PER2: variants seen among roughly 807,000 people sequenced by gnomAD.
The protein encoded by PER2 is period circadian protein homolog 2.
In PER2, 66 loss-of-function variants were observed where a neutral mutation model predicts 121.0. The ratio of observed to expected loss-of-function variants is 0.55; its 90% confidence interval spans 0.45 to 0.67. The LOEUF (loss-of-function observed/expected upper bound fraction) is 0.67. PER2 is among the 30% of genes least tolerant of loss of function. PER2 has a pLI of 0.00. For missense variants in PER2, 1,521 were observed against 1,635.0 expected (o/e 0.93, Z 1.20); for synonymous variants, 684 against 659.9 (o/e 1.04, Z -0.56).
intron 6 of PER2, 120 bp downstream of exon 6, chr2:238,271,192 G>GC (rs1696272044): frequency 1.2e-6 from 1 of 832,948 alleles, no homozygotes. Context: ...GCAGCTGGCG[G>GC]CCCCCACAGG....
At chr2:238,263,178 C>T in intron 9 of PER2, 120 bp from the exon 10 acceptor site, 1 of 703,452 alleles carries the variant, frequency 1.4e-6, no homozygotes, top group Non-Finnish European at 2.6e-6. Context: ...CCCTCCCCCA[C>T]CCCCGGAGAT....
chr2:238,273,685 G>A (rs1308106110), intron 4 of PER2, among the ~76,000 whole-genome samples: 1 of 152,086 alleles, frequency 6.6e-6, no homozygotes, highest in Non-Finnish European at 1.5e-5. Context: ...GTTTTGTTTA[G>A]AGATGGAGGC....
chr2:238,261,304 G>A (rs1695923451), intron 12 of PER2: 1 of 395,702 alleles, frequency 2.5e-6, no homozygotes. Context: ...GGAACTGACA[G>A]GCAGGCGCCT....
At position 238,248,883 on chromosome 2, in the gene PER2, C is replaced by T. The variant is rs1264758266; in HGVS notation, c.3618+179G>A. The T allele has an allele frequency of 7.0e-6, 5 of 709,388 alleles. No individual in the cohort carries two copies. The East Asian group carries it at 1.4e-4, about 20-fold the overall frequency. The allele number at this position is 709,388 out of a possible 1,614,324, so 43.9% of individuals were successfully genotyped here. A position where few individuals can be genotyped will look rare whatever the true frequency, so the allele number is the denominator to read the frequency against. ...TGTTTGCCAGGATGGTCTCGATCTC[C>T]TGACCTCGTGATCCACCCGCTTCGG... On this transcript the variant is annotated intron_variant, in intron 22 of 22. Transcript: ENST00000254657.
At chr2:238,294,362 C>A (rs1191498552), upstream of PER2, among the ~76,000 whole-genome samples, 1 of 152,166 alleles carries the variant, frequency 6.6e-6, no homozygotes, top group Non-Finnish European at 1.5e-5. Flanking sequence ...GGAACGGGGG[C>A]CTTGCATGCT....
At position 238,244,439 on chromosome 2, in the gene PER2, G is replaced by A. The variant is rs114881551; in HGVS notation, c.*1936C>T. ...TATTAAATGATAAAATAATGCTGAT[G>A]GTAAACATTCATAACAGCAGAGTAA... On this transcript the variant is annotated 3_prime_UTR_variant, in exon 23 of 23. Coordinates refer to ENST00000254657, the MANE Select transcript of PER2 (RefSeq NM_022817.3). 571 of 152,528 alleles carry A rather than the reference G, an allele frequency of 3.7e-3. 9 individuals are homozygous for A. The highest frequency in any genetic ancestry group is 0.013 in the African/African-American group (551 of 41,552). The allele number at this position is 152,528 out of a possible 1,614,324, so 9.4% of individuals were successfully genotyped here. A position where few individuals can be genotyped will look rare whatever the true frequency, so the allele number is the denominator to read the frequency against.
Position 238,245,649 on chromosome 2 carries a change from A to C in PER2, c.*726T>G. 2.5e-6 allele frequency: 1 copy of C among 398,660 alleles called. No individual in the cohort carries two copies. Among genetic ancestry groups the C allele is most frequent in the Non-Finnish European group, 4.4e-6 (1 of 226,078 alleles). 24.7% of individuals were successfully genotyped at this position (398,660 alleles called of 1,614,324 possible). A position where few individuals can be genotyped will look rare whatever the true frequency, so the allele number is the denominator to read the frequency against. On this transcript the variant is annotated 3_prime_UTR_variant, in exon 23 of 23. Transcript: ENST00000254657. The stretch of plus-strand genomic sequence containing the variant: ...GAAAAGGAGACAAGAATAATGCAGA[A>C]ATATACAGAGGGTCTGTCTGCGTGT...
rs1695736385 is a variant in PER2 at position 238,255,654 on chromosome 2, TA to T, written c.2320+2del. 6.2e-7 allele frequency: 1 copy of T among 1,614,218 alleles called. No homozygotes were observed. Among genetic ancestry groups the T allele is most frequent in the Non-Finnish European group, 8.5e-7 (1 of 1,179,982 alleles). ...ACGCACTTTTAATTCGGGTATCACTTACTTCGTTCACTTGGCTGCCCCTTGG... is the reference window on the plus strand; with the variant it reads ...ACGCACTTTTAATTCGGGTATCACTTCTTCGTTCACTTGGCTGCCCCTTGG... On this transcript the variant is annotated splice_donor_variant, in intron 18 of 22. Coordinates refer to ENST00000254657, the MANE Select transcript of PER2 (RefSeq NM_022817.3). LOFTEE classifies it high-confidence loss of function.
Position 238,253,087 on chromosome 2 carries a change from G to A in PER2, c.2936C>T (p.Pro979Leu), listed in dbSNP as rs143554580. Residue 979 changes from proline to leucine, a missense_variant, in exon 19 of 23, where the codon CCG becomes CTG. Physicochemically the swap from Pro to Leu is moderately conservative, Grantham distance 98. Transcript: ENST00000254657. The surrounding 1 kb of genome is among the most constrained non-coding windows in gnomAD (Gnocchi z 5.6). Reference sequence around the variant, plus strand: ...CGAGCTGCTGCGGGACTGAAAGAGCGGTGGGGAGGCCCTACCCATGGCCGA... The same window carrying A: ...CGAGCTGCTGCGGGACTGAAAGAGCAGTGGGGAGGCCCTACCCATGGCCGA... ...PPSAMGRASPPLFQSRSSSPL... is the reference protein window; with the variant it reads ...PPSAMGRASPLLFQSRSSSPL... 18 of 1,611,010 alleles carry A rather than the reference G, an allele frequency of 1.1e-5. No individual in the cohort carries two copies. Among genetic ancestry groups the A allele is most frequent in the Middle Eastern group, 1.7e-4 (1 of 6,026 alleles).
chr2:238,255,040 G>A (rs1005562933), intron 18 of PER2: 1 of 157,500 alleles, frequency 6.3e-6, no homozygotes, highest in Non-Finnish European at 1.4e-5. Context: ...GAAGGAACTG[G>A]GGGATCAGGA....
intron 2 of PER2, 116 bp from the exon 3 acceptor site, chr2:238,277,309 T>A (rs955540818): frequency 5.0e-6 from 4 of 796,488 alleles, no homozygotes; most frequent in South Asian, 4.2e-5. Context: ...GACAATTTTT[T>A]AAAAATACAA....
Position 238,250,828 on chromosome 2 carries a change from A to G in PER2, c.3275-85T>C, listed in dbSNP as rs1695578374. On this transcript the variant is annotated intron_variant, in intron 20 of 22. Coordinates refer to ENST00000254657, the MANE Select transcript of PER2 (RefSeq NM_022817.3). ...AATGTGCTTCCTCAAAGTCAGAATG[A>G]TTTGAGAGAGCCCAGTGCCTTCTTA... is the stretch of plus-strand genomic sequence containing the variant. 3.2e-6 allele frequency: 3 copies of G among 952,234 alleles called. No individual in the cohort carries two copies. The South Asian group carries it at 4.1e-5, about 13-fold the overall frequency. The allele number at this position is 952,234 out of a possible 1,614,324, so 59.0% of individuals were successfully genotyped here. A position where few individuals can be genotyped will look rare whatever the true frequency, so the allele number is the denominator to read the frequency against.
At position 238,268,867 on chromosome 2, in the gene PER2, T is replaced by C; in HGVS notation, c.824+56A>G. ...CCCCCAGCCTCAAGCGGAGCAGTGC[T>C]GGGGTGAAATGTTTATACGGTTTTC... On this transcript the variant is annotated intron_variant, in intron 7 of 22. Transcript: ENST00000254657. This position sits in a 1 kb window ranked among gnomAD's most constrained non-coding sequence, Gnocchi z 4.0. 7.7e-7 allele frequency: 1 copy of C among 1,297,368 alleles called. No individual in the cohort carries two copies. The highest frequency in any genetic ancestry group is 1.1e-6 in the Non-Finnish European group (1 of 890,886). The allele number at this position is 1,297,368 out of a possible 1,614,324, so 80.4% of individuals were successfully genotyped here. A position where few individuals can be genotyped will look rare whatever the true frequency, so the allele number is the denominator to read the frequency against.
chr2:238,261,361 C>T, intron 12 of PER2: 1 of 379,842 alleles, frequency 2.6e-6, no homozygotes, highest in Non-Finnish European at 4.9e-6. Flanking sequence ...TTTTTAGGGA[C>T]CTTGAGTACA....
Position 238,260,188 on chromosome 2 carries a change from G to A in PER2, c.1543-135C>T, listed in dbSNP as rs937572501. 10 of 627,570 alleles carry A rather than the reference G, an allele frequency of 1.6e-5. No individual in the cohort carries two copies. The Admixed American group carries it at 1.7e-4, about 11-fold the overall frequency. 38.9% of individuals were successfully genotyped at this position (627,570 alleles called of 1,614,324 possible). A position where few individuals can be genotyped will look rare whatever the true frequency, so the allele number is the denominator to read the frequency against. ...AAACTGTGGATGAGAAATCTGACAGGTGTAGAGCTAGATAAAACCTATTTG... is the reference window on the plus strand; with the variant it reads ...AAACTGTGGATGAGAAATCTGACAGATGTAGAGCTAGATAAAACCTATTTG... On this transcript the variant is annotated intron_variant, in intron 13 of 22. Coordinates refer to ENST00000254657, the MANE Select transcript of PER2 (RefSeq NM_022817.3).
rs895653950 is a variant in PER2 at position 238,244,701 on chromosome 2, A to G, written c.*1674T>C. On this transcript the variant is annotated 3_prime_UTR_variant, in exon 23 of 23. Coordinates refer to ENST00000254657, the MANE Select transcript of PER2 (RefSeq NM_022817.3). ...TAGTCAGGCATAAGATGGTTTTACG[A>G]TGAAAACCTAGTGGATTACAAAGAG... is the stretch of plus-strand genomic sequence containing the variant. The G allele has an allele frequency of 2.6e-5, 4 of 152,242 alleles. No homozygotes were observed. Among genetic ancestry groups the G allele is most frequent in the African/African-American group, 4.8e-5 (2 of 41,460 alleles). 9.4% of individuals were successfully genotyped at this position (152,242 alleles called of 1,614,324 possible).
chr2:238,265,687 A>G, intron 8 of PER2, 97 bp from the exon 9 acceptor site: 1 of 794,174 alleles, frequency 1.3e-6, no homozygotes, highest in Non-Finnish European at 2.2e-6. Context: ...GATTCAGAGT[A>G]ATGAGCAGCT....
At chr2:238,265,363 T>G (rs1391105906) in intron 9 of PER2, 149 bp downstream of exon 9, 1 of 640,964 alleles carries the variant, frequency 1.6e-6, no homozygotes, top group Admixed American at 2.5e-5. Flanking sequence ...AAGTTTTCAG[T>G]GTAATTCCAT....
intron 17 of PER2, 125 bp from the exon 18 acceptor site, chr2:238,256,036 A>T: frequency 1.7e-6 from 2 of 1,202,892 alleles, no homozygotes; most frequent in Non-Finnish European, 1.2e-6. Flanking sequence ...CTGTGGCATG[A>T]GGATGAGACT....
Sources: allele counts gnomAD v4.1 joint callset (sites outside exome capture counted in the v4.1 genomes callset), GRCh38; gene constraint gnomAD v4.1.1; non-coding constraint Gnocchi (gnomAD v3.1); transcripts MANE v1.5; gene names NCBI Gene and HGNC (gene_info 2026-07-23, HGNC 2026-07-21).